The following WDR7 variants were observed in gnomAD, a reference collection of about 807,000 sequenced individuals.
WDR7 encodes the protein WD repeat domain 7.
In WDR7, 46 loss-of-function variants were observed where a neutral mutation model predicts 169.4. The observed-to-expected ratio is 0.27, with a 90% CI of 0.21 to 0.35. The LOEUF is 0.35. WDR7 is among the 10% of genes least tolerant of loss of function. WDR7 has a pLI of 1.00. For synonymous variants in WDR7, 612 were observed against 666.8 expected, an observed-to-expected ratio of 0.92 and a Z score of 1.27; for missense variants, 1,534 against 1,859.3, an observed-to-expected ratio of 0.83 and a Z score of 3.22.
chr18:56,758,703 T>C (rs1051922853), intron 15 of WDR7, among the ~76,000 whole-genome samples, 162 bp from the exon 16 acceptor site: 2 of 152,192 alleles, frequency 1.3e-5, no homozygotes, highest in Non-Finnish European at 2.9e-5. Context: ...AAAACGTTAA[T>C]AGGTCCAAAC....
chr18:56,941,722 C>T (rs2047037523), intron 25 of WDR7, among the ~76,000 whole-genome samples: 1 of 152,148 alleles, frequency 6.6e-6, no homozygotes, highest in South Asian at 2.1e-4. Context: ...CAGCTGGGGT[C>T]ACTGTCTATG....
At chr18:56,739,910 G>A (rs1208852248) in intron 14 of WDR7, among the ~76,000 whole-genome samples, 2 of 146,934 alleles carry the variant, frequency 1.4e-5, no homozygotes, top group Non-Finnish European at 3.0e-5. Flanking sequence ...ACTGCTTGGA[G>A]TTGCCAGAGC....
chr18:56,813,535 TTTC>T lies in WDR7; in HGVS notation c.3191-2486_3191-2484del, dbSNP rs200154332. ...ATTGATATGAGCAGGAATTCTTTTT[TTTC>T]TTCTTCTTCAGCCTGTTAATATTTT... On this transcript the variant is annotated intron_variant, in intron 19 of 27. Transcript: ENST00000254442. 6.5e-3 allele frequency among the ~76,000 whole-genome samples: 993 copies of T among 152,206 alleles called. 19 individuals are homozygous for T. The highest frequency in any genetic ancestry group is 0.022 in the African/African-American group (925 of 41,538).
the WDR7 span, chr18:57,035,798 A>G: frequency 6.6e-6 from 1 of 152,276 alleles, no homozygotes; most frequent in African/African-American, 2.4e-5. Flanking sequence ...CTTTGGATCT[A>G]ATAAAACATG....
chr18:56,879,976 A>G lies in WDR7; in HGVS notation c.3337A>G (p.Ile1113Val). 1 of 1,613,988 alleles carries G rather than the reference A, an allele frequency of 6.2e-7. No homozygotes were observed. Among genetic ancestry groups the G allele is most frequent in the Non-Finnish European group, 8.5e-7 (1 of 1,179,946 alleles). ...CLSSVPQMKK[I>V]STSYEERRKQ... ...ATCAAGTGTCCCACAAATGAAAAAA[A>G]TTTCTACATCTTACGAGGAAAGACG... Residue 1113 changes from isoleucine (I) to valine (V), a missense_variant, in exon 21 of 28, where the codon ATT becomes GTT. Ile to Val is a conservative substitution (Grantham distance 29, BLOSUM62 3). Coordinates refer to ENST00000254442, the MANE Select transcript of WDR7 (RefSeq NM_015285.3).
At chr18:56,750,440 C>G (rs2043774021) in intron 14 of WDR7, among the ~76,000 whole-genome samples, 1 of 152,048 alleles carries the variant, frequency 6.6e-6, no homozygotes, top group Non-Finnish European at 1.5e-5. Context: ...TTTAACTTTC[C>G]TAGTTGGCTT....
chr18:56,958,621 A>T (rs1430544357), intron 25 of WDR7, among the ~76,000 whole-genome samples: 4 of 152,126 alleles, frequency 2.6e-5, no homozygotes, highest in Non-Finnish European at 4.4e-5. Flanking sequence ...TGTCAGTCTC[A>T]TGCTAAGGTA....
At chr18:56,733,387 G>A (rs1250612593) in intron 14 of WDR7, among the ~76,000 whole-genome samples, 1 of 152,124 alleles carries the variant, frequency 6.6e-6, no homozygotes, top group Non-Finnish European at 1.5e-5. Flanking sequence ...CCTCTGGATA[G>A]CTTTCTAACC....
At chr18:56,724,684 G>C (rs1461151421) in intron 13 of WDR7, among the ~76,000 whole-genome samples, 2 of 150,842 alleles carry the variant, frequency 1.3e-5, no homozygotes, top group South Asian at 2.1e-4. Flanking sequence ...AAGTTCTAGG[G>C]TACATGTGCA....
intron 19 of WDR7, among the ~76,000 whole-genome samples, chr18:56,805,885 A>C (rs1381891663): frequency 1.3e-5 from 2 of 152,092 alleles, no homozygotes; most frequent in Non-Finnish European, 2.9e-5. Context: ...CAAATGTTTT[A>C]TTAGCCTCAT....
chr18:56,844,983 A>G (rs767200036), intron 20 of WDR7, among the ~76,000 whole-genome samples: 2 of 152,192 alleles, frequency 1.3e-5, no homozygotes, highest in African/African-American at 4.8e-5. Context: ...TGCCTAATTT[A>G]TAAGTTAAAC....
the WDR7 span, chr18:57,035,252 G>A: frequency 6.6e-6 from 1 of 152,406 alleles, no homozygotes; most frequent in South Asian, 2.1e-4. Context: ...TCACCAACAT[G>A]TACCCAACAT....
chr18:57,031,279 G>A (rs1476230910), downstream of WDR7: 3 of 152,086 alleles, frequency 2.0e-5, no homozygotes, highest in Non-Finnish European at 4.4e-5. Context: ...AGTTTCCCAA[G>A]TCCCTTTAAG....
chr18:56,880,905 T>C (rs1401676476), intron 21 of WDR7, among the ~76,000 whole-genome samples: 1 of 152,232 alleles, frequency 6.6e-6, no homozygotes, highest in Non-Finnish European at 1.5e-5. Context: ...CAGAGTGGCA[T>C]GTGGCACCAT....
intron 20 of WDR7, among the ~76,000 whole-genome samples, chr18:56,865,426 A>G (rs1458376827): frequency 6.6e-6 from 1 of 152,108 alleles, no homozygotes; most frequent in African/African-American, 2.4e-5. Context: ...CTTAACCCTT[A>G]TGTTGATTCT....
chr18:57,020,529 G>A (rs2048273371), intron 26 of WDR7, among the ~76,000 whole-genome samples: 1 of 152,156 alleles, frequency 6.6e-6, no homozygotes, highest in Admixed American at 6.5e-5. Context: ...GGAGGCAGGT[G>A]GACACCTCAG....
intron 22 of WDR7, among the ~76,000 whole-genome samples, chr18:56,931,433 G>A (rs553223150): frequency 6.6e-6 from 1 of 152,268 alleles, no homozygotes; most frequent in South Asian, 2.1e-4. Context: ...TGACTTCATT[G>A]CCTGGTCAAT....
chr18:56,825,515 A>G (rs1416058241), intron 20 of WDR7, among the ~76,000 whole-genome samples: 1 of 152,230 alleles, frequency 6.6e-6, no homozygotes, highest in Non-Finnish European at 1.5e-5. Context: ...AAAATGAGGC[A>G]CAGAATGGTA....
chr18:56,854,231 C>T (rs144610264), intron 20 of WDR7, among the ~76,000 whole-genome samples: 23 of 152,224 alleles, frequency 1.5e-4, no homozygotes, highest in African/African-American at 5.5e-4. Flanking sequence ...CATTGTTTTA[C>T]CTGTGCTTCT....
Sources: allele counts gnomAD v4.1 joint callset (sites outside exome capture counted in the v4.1 genomes callset), GRCh38; gene constraint gnomAD v4.1.1; transcripts MANE v1.5; gene names NCBI Gene and HGNC (gene_info 2026-07-23, HGNC 2026-07-21).